The following OR10G8 variants were observed in gnomAD, a reference collection of about 807,000 sequenced individuals.
The protein encoded by OR10G8 is olfactory receptor family 10 subfamily G member 8.
For missense variants in OR10G8, 386 were observed against 384.9 expected (o/e 1.00, Z -0.02); for synonymous variants, 173 against 163.2 (o/e 1.06, Z -0.46).
At position 124,030,066 on chromosome 11, in the gene OR10G8, G is replaced by A. The variant is rs148656754; in HGVS notation, c.444G>A (p.Trp148Ter). The A allele has an allele frequency of 6.2e-7, 1 of 1,613,930 alleles. No homozygotes were observed. The highest frequency in any genetic ancestry group is 8.5e-7 in the Non-Finnish European group (1 of 1,179,982). ...GTACTCTTCTGGCCACCAGCACTTG[G>A]CTCAGTGGCTCTCTGCACTCTGCTG... Reference protein sequence around the residue: ...RSCTLLATSTWLSGSLHSAVQ... With the variant: ...RSCTLLATST Residue 148 changes from tryptophan (W) to a stop codon, truncating the protein, a stop_gained, in exon 2 of 2, where the codon TGG becomes TGA. Transcript: ENST00000641224. LOFTEE classifies it low-confidence loss of function (END_TRUNC).
chr11:124,028,307 T>A (rs1864123686), intron 1 of OR10G8, among the ~76,000 whole-genome samples: 1 of 152,138 alleles, frequency 6.6e-6, no homozygotes. Flanking sequence ...GCATGAACCT[T>A]GATGCTCTCT....
chr11:124,029,872 GTGTTCCCA>G lies in OR10G8; in HGVS notation c.251_258del (p.Val84GlufsTer34), dbSNP rs537178639. ...GGTGCCCAAATTGCTGATGACTTTG[GTGTTCCCA>G]AGTGGCAGGGCTATCTCCTTCCACA... On this transcript the variant is annotated frameshift_variant, in exon 2 of 2. Transcript: ENST00000641224. LOFTEE classifies it low-confidence loss of function (END_TRUNC). 824 of 1,614,130 alleles carry G rather than the reference GTGTTCCCA, an allele frequency of 5.1e-4. 1 individual carries two copies. In the African/African-American group the frequency reaches 9.5e-3, roughly 19 times the overall value.
chr11:124,029,064 C>CT (rs2137563437), intron 1 of OR10G8, among the ~76,000 whole-genome samples: 1 of 152,202 alleles, frequency 6.6e-6, no homozygotes, highest in East Asian at 1.9e-4. Flanking sequence ...GTAGCTAGGA[C>CT]TTTCTTGGAC....
chr11:124,029,586 A>G lies in OR10G8; in HGVS notation c.-27-10A>G, dbSNP rs774092580. The G allele has an allele frequency of 2.5e-6, 4 of 1,591,386 alleles. No individual in the cohort carries two copies. Among genetic ancestry groups the G allele is most frequent in the Non-Finnish European group, 3.4e-6 (4 of 1,165,680 alleles). On this transcript the variant is annotated splice_polypyrimidine_tract_variant and intron_variant, in intron 1 of 1. Coordinates refer to ENST00000641224, the MANE Select transcript of OR10G8 (RefSeq NM_001004464.2). Reference sequence around the variant, plus strand: ...AAGTGCTAAATGCTGGGTGCTCTTTATATTCCCAGAGGGAGAGAGACCAAG... The same window carrying G: ...AAGTGCTAAATGCTGGGTGCTCTTTGTATTCCCAGAGGGAGAGAGACCAAG...
At position 124,029,029 on chromosome 11, in the gene OR10G8, A is replaced by G. The variant is rs192270574; in HGVS notation, c.-27-567A>G. Among the ~76,000 whole-genome samples, 553 of 150,674 alleles carry G rather than the reference A, an allele frequency of 3.7e-3. 5 individuals carry two copies. Among genetic ancestry groups the G allele is most frequent in the African/African-American group, 0.013 (528 of 41,170 alleles). Reference sequence around the variant, plus strand: ...CTGTCTCGTTGGTTTTGAAGAAGTAACCTGTGGTGTTTTAAGAAGGCCAAG... The same window carrying G: ...CTGTCTCGTTGGTTTTGAAGAAGTAGCCTGTGGTGTTTTAAGAAGGCCAAG... On this transcript the variant is annotated intron_variant, in intron 1 of 1. Transcript: ENST00000641224.
chr11:124,027,126 T>C (rs1041963421), intron 1 of OR10G8, among the ~76,000 whole-genome samples: 4 of 152,202 alleles, frequency 2.6e-5, no homozygotes, highest in Non-Finnish European at 4.4e-5. Context: ...GGTTTGGTCC[T>C]TAAGTAGAAA....
Position 124,029,395 on chromosome 11 carries a change from C to T in OR10G8, c.-27-201C>T, listed in dbSNP as rs568306475. Among the ~76,000 whole-genome samples, 8 of 152,190 alleles carry T rather than the reference C, an allele frequency of 5.3e-5. 1 individual carries two copies. The highest frequency in any genetic ancestry group is 1.2e-4 in the African/African-American group (5 of 41,512). ...ACAATGCGTTTCTCCTAATTTCTTC[C>T]GCATATGTCTCTGTGTGTGTGTATG... is the stretch of plus-strand genomic sequence containing the variant. On this transcript the variant is annotated intron_variant, in intron 1 of 1. Transcript: ENST00000641224.
intron 1 of OR10G8, among the ~76,000 whole-genome samples, chr11:124,027,257 G>GT (rs1864114979): frequency 6.6e-6 from 1 of 152,244 alleles, no homozygotes; most frequent in South Asian, 2.1e-4. Context: ...TTTTACTATT[G>GT]AAATGAATCA....
chr11:124,030,621 A>C lies in OR10G8; in HGVS notation c.*63A>C. 7.5e-7 allele frequency: 1 copy of C among 1,333,258 alleles called. No homozygotes were observed. The highest frequency in any genetic ancestry group is 2.3e-5 in the East Asian group (1 of 42,918). 82.6% of individuals were successfully genotyped at this position (1,333,258 alleles called of 1,614,324 possible). A position where few individuals can be genotyped will look rare whatever the true frequency, so the allele number is the denominator to read the frequency against. ...AGTGCTGTGAAAAACATACAGGGGC[A>C]GGTATCTTTTGGATGTAATGAATTC... On this transcript the variant is annotated 3_prime_UTR_variant, in exon 2 of 2. Coordinates refer to ENST00000641224, the MANE Select transcript of OR10G8 (RefSeq NM_001004464.2).
rs1293525258 is a variant in OR10G8 at position 124,028,014 on chromosome 11, G to A, written c.-28+1147G>A. On this transcript the variant is annotated intron_variant, in intron 1 of 1. Coordinates refer to ENST00000641224, the MANE Select transcript of OR10G8 (RefSeq NM_001004464.2). Reference sequence around the variant, plus strand: ...CCGTTTTTCCTGTCTCAGATTCTAGGTCTTAATTAAGAGAGAGACTTGATG... The same window carrying A: ...CCGTTTTTCCTGTCTCAGATTCTAGATCTTAATTAAGAGAGAGACTTGATG... 2.6e-5 allele frequency among the ~76,000 whole-genome samples: 4 copies of A among 152,092 alleles called. No homozygotes were observed. In the East Asian group the frequency reaches 7.7e-4, roughly 29 times the overall value.
Position 124,027,460 on chromosome 11 carries a change from T to C in OR10G8, c.-28+593T>C, listed in dbSNP as rs554888600. ...TACTAATAGAGACAAAGTTGCTATG[T>C]ATACTTCTGTATGTTAATATGCAAG... On this transcript the variant is annotated intron_variant, in intron 1 of 1. Transcript: ENST00000641224. Among the ~76,000 whole-genome samples, 13 of 152,348 alleles carry C rather than the reference T, an allele frequency of 8.5e-5. No homozygotes were observed. In the East Asian group the frequency reaches 2.5e-3, roughly 29 times the overall value.
At chr11:124,027,923 C>G (rs916610187) in intron 1 of OR10G8, among the ~76,000 whole-genome samples, 1 of 152,088 alleles carries the variant, frequency 6.6e-6, no homozygotes, top group Non-Finnish European at 1.5e-5. Flanking sequence ...GCCCTGATTT[C>G]CATTATACAG....
chr11:124,030,050 T>C lies in OR10G8; in HGVS notation c.428T>C (p.Leu143Pro). The C allele has an allele frequency of 6.2e-7, 1 of 1,614,168 alleles. No individual in the cohort carries two copies. The highest frequency in any genetic ancestry group is 8.5e-7 in the Non-Finnish European group (1 of 1,180,012). ...ATGACTGGGCGCTCGTGTACTCTTC[T>C]GGCCACCAGCACTTGGCTCAGTGGC... Reference protein sequence around the residue: ...SMMTGRSCTLLATSTWLSGSL... With the variant: ...SMMTGRSCTLPATSTWLSGSL... The change falls in exon 2 of 2, where the codon CTG becomes CCG. Residue 143 changes from leucine to proline, a missense_variant. By Grantham distance (98) the Leu-to-Pro change is moderately conservative. Transcript: ENST00000641224.
At position 124,030,016 on chromosome 11, in the gene OR10G8, A is replaced by T; in HGVS notation, c.394A>T (p.Thr132Ser). The T allele has an allele frequency of 1.2e-6, 2 of 1,614,142 alleles. No homozygotes were observed. Among genetic ancestry groups the T allele is most frequent in the South Asian group, 2.2e-5 (2 of 91,078 alleles). Residue 132 changes from threonine (T) to serine (S), a missense_variant, in exon 2 of 2, where the codon ACC becomes TCC. Physicochemically the swap from Thr to Ser is moderately conservative, Grantham distance 58 (BLOSUM62 1). Coordinates refer to ENST00000641224, the MANE Select transcript of OR10G8 (RefSeq NM_001004464.2). ...GGCCATCAGTTACCCGCTCAGGTACACCAGCATGATGACTGGGCGCTCGTG... is the reference window on the plus strand; with the variant it reads ...GGCCATCAGTTACCCGCTCAGGTACTCCAGCATGATGACTGGGCGCTCGTG... ...YLAISYPLRYTSMMTGRSCTL... is the reference protein window; with the variant it reads ...YLAISYPLRYSSMMTGRSCTL...
chr11:124,028,781 C>T (rs117716501), intron 1 of OR10G8, among the ~76,000 whole-genome samples: 1 of 151,058 alleles, frequency 6.6e-6, no homozygotes, highest in Non-Finnish European at 1.5e-5. Flanking sequence ...CAATTAAATT[C>T]TTGGTGTTTT....
In OR10G8 at chr11:124,029,954, G is replaced by A. The variant is rs1392354030; in HGVS notation, c.332G>A (p.Cys111Tyr). The part of the protein sequence containing the change: ...YFFHFLGGTE[C>Y]FLYRVMSCDR... ...TTTCACTTCCTAGGGGGCACCGAGT[G>A]TTTCCTCTACAGGGTCATGTCCTGT... Residue 111 changes from cysteine (C) to tyrosine (Y), a missense_variant, in exon 2 of 2, where the codon TGT (cysteine) becomes TAT (tyrosine). Physicochemically the swap from Cys to Tyr is radical, Grantham distance 194 (BLOSUM62 -2). Coordinates refer to ENST00000641224, the MANE Select transcript of OR10G8 (RefSeq NM_001004464.2). 6.2e-7 allele frequency: 1 copy of A among 1,614,140 alleles called. No homozygotes were observed. Among genetic ancestry groups the A allele is most frequent in the Non-Finnish European group, 8.5e-7 (1 of 1,180,018 alleles).
intron 1 of OR10G8, 72 bp downstream of exon 1, chr11:124,026,939 T>A (rs114463697): frequency 7.1e-4 from 108 of 152,314 alleles, no homozygotes; most frequent in African/African-American, 2.5e-3. Flanking sequence ...CTCAGGAGGC[T>A]AAATAAAAAA....
At position 124,029,965 on chromosome 11, in the gene OR10G8, A is replaced by G. The variant is rs1416449600; in HGVS notation, c.343A>G (p.Arg115Gly). 5.0e-6 allele frequency: 8 copies of G among 1,614,030 alleles called. No individual in the cohort carries two copies. Among genetic ancestry groups the G allele is most frequent in the Non-Finnish European group, 6.8e-6 (8 of 1,180,000 alleles). Residue 115 changes from arginine to glycine, a missense_variant, in exon 2 of 2, where the codon AGG becomes GGG. Coordinates refer to ENST00000641224, the MANE Select transcript of OR10G8 (RefSeq NM_001004464.2). ...FLGGTECFLYRVMSCDRYLAI... is the reference protein window; with the variant it reads ...FLGGTECFLYGVMSCDRYLAI... ...AGGGGGCACCGAGTGTTTCCTCTAC[A>G]GGGTCATGTCCTGTGATCGCTACCT...
rs1468731705 is a variant in OR10G8 at position 124,029,751 on chromosome 11, C to T, written c.129C>T (p.Ile43=). ...TCACTGTGCTGGGGAACCTCCTCAT[C>T]CTGCTGGTGATCAGGGTGGATTCTC... ...YVLTVLGNLL[I]LLVIRVDSHL... is the part of the protein sequence containing the mutation. The change falls in exon 2 of 2, where the codon ATC becomes ATT. Residue 43 remains isoleucine, a synonymous_variant. Transcript: ENST00000641224. 1 of 1,613,980 alleles carries T rather than the reference C, an allele frequency of 6.2e-7. No homozygotes were observed. The highest frequency in any genetic ancestry group is 2.2e-5 in the East Asian group (1 of 44,862).
Sources: gnomAD v4.1 joint callset for allele counts (sites outside exome capture counted in the v4.1 genomes callset) on GRCh38, gnomAD v4.1.1 for gene constraint, MANE v1.5 for transcripts, NCBI Gene and HGNC (gene_info 2026-07-23, HGNC 2026-07-21) for gene names.